NAT10: variants seen among roughly 807,000 people sequenced by gnomAD.
NAT10 encodes N-acetyltransferase 10.
Under a neutral mutation model 132.2 loss-of-function variants are expected in NAT10, and 109 were observed. The ratio of observed to expected loss-of-function variants is 0.82; its 90% confidence interval spans 0.71 to 0.97. NAT10 has a LOEUF of 0.97. NAT10 is among the 50% of genes least tolerant of loss of function. The pLI is 0.00. For synonymous variants in NAT10, 479 were observed against 478.0 expected, an observed-to-expected ratio of 1.00 and a Z score of -0.03; for missense variants, 1,184 against 1,263.4, an observed-to-expected ratio of 0.94 and a Z score of 0.95.
At chr11:34,140,257 G>C in intron 23 of NAT10, 143 bp from the exon 24 acceptor site, 1 of 755,916 alleles carries the variant, frequency 1.3e-6, no homozygotes, top group South Asian at 2.1e-5. Context: ...CAGGTTTGGT[G>C]CCCCTCTGGG....
chr11:34,138,622 T>G (rs1350069805), intron 21 of NAT10, among the ~76,000 whole-genome samples: 1 of 152,082 alleles, frequency 6.6e-6, no homozygotes, highest in African/African-American at 2.4e-5. Flanking sequence ...GGTGTGTCCG[T>G]GTGGTCTTGC....
chr11:34,125,427 A>G (rs1851969995), intron 11 of NAT10, among the ~76,000 whole-genome samples: 1 of 152,158 alleles, frequency 6.6e-6, no homozygotes, highest in Non-Finnish European at 1.5e-5. Context: ...ATATTACCAG[A>G]GTTCTTTTGT....
At chr11:34,129,125 G>A (rs915782455) in intron 12 of NAT10, among the ~76,000 whole-genome samples, 11 of 152,060 alleles carry the variant, frequency 7.2e-5, no homozygotes, top group Non-Finnish European at 1.6e-4. Flanking sequence ...AGATTTTTGC[G>A]TGGACATGTT....
At chr11:34,116,578 C>T (rs894103930) in intron 6 of NAT10, among the ~76,000 whole-genome samples, 4 of 151,112 alleles carry the variant, frequency 2.6e-5, no homozygotes, top group East Asian at 3.9e-4. Context: ...CCACCACACT[C>T]GGCTAATTTT....
In NAT10 at chr11:34,127,507, AGTT is replaced by A; in HGVS notation, c.1155_1157del (p.Val386del). On this transcript the variant is annotated inframe_deletion, in exon 12 of 29. Transcript: ENST00000257829. ...CTGTGAAGCTGGGCCAGGCTGAACT[AGTT>A]GTGATTGATGAAGCTGCCGCCATCC... 1 of 1,614,128 alleles carries A rather than the reference AGTT, an allele frequency of 6.2e-7. No homozygotes were observed. The highest frequency in any genetic ancestry group is 1.1e-5 in the South Asian group (1 of 91,078).
intron 23 of NAT10, 90 bp from the exon 24 acceptor site, chr11:34,140,310 C>T (rs1280698148): frequency 2.4e-6 from 3 of 1,247,074 alleles, no homozygotes; most frequent in Non-Finnish European, 3.4e-6. Context: ...TTAGATGCTC[C>T]TGTGTGTTAG....
intron 15 of NAT10, 135 bp downstream of exon 15, chr11:34,132,356 G>C: frequency 2.7e-6 from 2 of 747,204 alleles, no homozygotes; most frequent in Middle Eastern, 3.8e-4. Flanking sequence ...GAGTTCCACT[G>C]ATCTTGCTGT....
intron 12 of NAT10, among the ~76,000 whole-genome samples, chr11:34,128,362 C>CAAAAAAAAAA (rs914837839): frequency 1.5e-5 from 1 of 67,238 alleles, no homozygotes; most frequent in African/African-American, 5.1e-5. Context: ...AAAAACAAAA[C>CAAAAAAAAAA]AAAAAAAAAA....
chr11:34,146,121 A>G lies in NAT10; in HGVS notation c.3007A>G (p.Lys1003Glu). Reference protein sequence around the residue: ...KRKLEAKQEPKQSKKLKNRET... With the variant: ...KRKLEAKQEPEQSKKLKNRET... Reference sequence around the variant, plus strand: ...GAAGTTAGAGGCCAAACAAGAACCCAAACAGAGCAAGAAGTTGAAGAACAG... The same window carrying G: ...GAAGTTAGAGGCCAAACAAGAACCCGAACAGAGCAAGAAGTTGAAGAACAG... The change falls in exon 29 of 29, where the codon AAA becomes GAA. Residue 1003 changes from lysine (K) to glutamate (E), a missense_variant. Physicochemically the swap from Lys to Glu is moderately conservative, Grantham distance 56. Coordinates refer to ENST00000257829, the MANE Select transcript of NAT10 (RefSeq NM_024662.3). 1 of 1,610,274 alleles carries G rather than the reference A, an allele frequency of 6.2e-7. No individual in the cohort carries two copies. The highest frequency in any genetic ancestry group is 8.5e-7 in the Non-Finnish European group (1 of 1,178,890).
intron 8 of NAT10, among the ~76,000 whole-genome samples, chr11:34,119,865 T>C (rs183124904): frequency 6.6e-6 from 1 of 152,350 alleles, no homozygotes; most frequent in East Asian, 1.9e-4. Context: ...GCACTATATT[T>C]AGGATACGTT....
chr11:34,123,844 CTG>C lies in NAT10; in HGVS notation c.998_999del (p.Leu333ProfsTer9). ...FEFVFKGFDA[L>X]QYQEHLDYEI... Reference sequence around the variant, plus strand: ...ATTTGTATTTAAAGGATTTGATGCTCTGCAATATCAGGTAGGAAATTTGGATT... The same window carrying C: ...ATTTGTATTTAAAGGATTTGATGCTCCAATATCAGGTAGGAAATTTGGATT... On this transcript the variant is annotated frameshift_variant, in exon 10 of 29. Transcript: ENST00000257829. LOFTEE classifies it high-confidence loss of function. 1 of 1,607,134 alleles carries C rather than the reference CTG, an allele frequency of 6.2e-7. No individual in the cohort carries two copies. The highest frequency in any genetic ancestry group is 8.5e-7 in the Non-Finnish European group (1 of 1,173,706).
intron 18 of NAT10, 118 bp from the exon 19 acceptor site, chr11:34,135,057 C>T: frequency 2.6e-6 from 2 of 756,388 alleles, no homozygotes; most frequent in Admixed American, 2.1e-5. Context: ...GGTTCTCTTG[C>T]CCCGTGCTGT....
chr11:34,141,897 T>C, intron 26 of NAT10, 80 bp downstream of exon 26: 1 of 1,212,898 alleles, frequency 8.2e-7, no homozygotes, highest in Non-Finnish European at 1.2e-6. Flanking sequence ...TGTCTTCCCC[T>C]TCCCCTTTAG....
At position 34,125,526 on chromosome 11, in the gene NAT10, A is replaced by G. The variant is rs190320474; in HGVS notation, c.1107+1126A>G. Among the ~76,000 whole-genome samples, 12 of 152,334 alleles carry G rather than the reference A, an allele frequency of 7.9e-5. No individual in the cohort carries two copies. In the East Asian group the frequency reaches 1.9e-3, roughly 24 times the overall value. ...CCTCTCTTTGGGCTCAAGATTGAGA[A>G]AAAGAAGAATATTAGATAAAAGTTG... is the stretch of plus-strand genomic sequence containing the variant. On this transcript the variant is annotated intron_variant, in intron 11 of 28. Transcript: ENST00000257829.
chr11:34,141,424 A>T lies in NAT10; in HGVS notation c.2712+216A>T, dbSNP rs972911247. On this transcript the variant is annotated intron_variant, in intron 25 of 28. Transcript: ENST00000257829. ...CATCACACATCACACACACACACAC[A>T]CACACACACACACACACACACACAC... Among the ~76,000 whole-genome samples the T allele has an allele frequency of 1.4e-3, 219 of 151,320 alleles. 3 individuals carry two copies. The highest frequency in any genetic ancestry group is 4.7e-3 in the African/African-American group (194 of 41,168).
chr11:34,133,514 A>G (rs1685317711), intron 16 of NAT10, among the ~76,000 whole-genome samples: 1 of 152,250 alleles, frequency 6.6e-6, no homozygotes, highest in South Asian at 2.1e-4. Context: ...GGATGTATTT[A>G]TGCATTTCTA....
chr11:34,141,061 C>T, intron 24 of NAT10, 28 bp from the exon 25 acceptor site: 1 of 1,613,742 alleles, frequency 6.2e-7, no homozygotes, highest in Non-Finnish European at 8.5e-7. Flanking sequence ...GTCCTAGAGG[C>T]CCACCCAGCA....
rs1217912616 is a variant in NAT10, at chr11:34,140,620, T to C, written c.2592+48T>C. ...GGAGGAGAAGCGAGGATTGTGGAGC[T>C]GTTCATTTGCTGGGTGTTGGGTTGG... On this transcript the variant is annotated intron_variant, in intron 24 of 28. Transcript: ENST00000257829. The C allele has an allele frequency of 3.8e-6, 6 of 1,583,596 alleles. No homozygotes were observed. The South Asian group carries it at 6.8e-5, about 18-fold the overall frequency.
intron 8 of NAT10, among the ~76,000 whole-genome samples, chr11:34,120,460 C>T (rs1321716684): frequency 6.6e-6 from 1 of 152,216 alleles, no homozygotes; most frequent in Non-Finnish European, 1.5e-5. Context: ...TCTTCAGTGT[C>T]TTCTTAGCAT....
Sources: gnomAD v4.1 joint callset for allele counts (sites outside exome capture counted in the v4.1 genomes callset) on GRCh38, gnomAD v4.1.1 for gene constraint, MANE v1.5 for transcripts, NCBI Gene and HGNC (gene_info 2026-07-23, HGNC 2026-07-21) for gene names.